The following RELN variants were observed in gnomAD, a reference collection of about 807,000 sequenced individuals.
RELN encodes the protein reelin.
Under a neutral mutation model 427.6 loss-of-function variants are expected in RELN, and 108 were observed. The ratio of observed to expected loss-of-function variants is 0.25; its 90% confidence interval spans 0.22 to 0.30. The LOEUF (loss-of-function observed/expected upper bound fraction) is 0.30, where lower values mean the gene tolerates loss of function less well. Among genes scored for constraint, RELN ranks in the 10% least tolerant of loss-of-function variants. The probability of loss-of-function intolerance (pLI) is 1.00; values close to 1 mark genes in which losing one functional copy is unlikely to be tolerated. For missense variants in RELN, 3,715 were observed against 4,302.8 expected, an observed-to-expected ratio of 0.86 and a Z score of 3.82; for synonymous variants, 1,524 against 1,513.4, an observed-to-expected ratio of 1.01 and a Z score of -0.16.
chr7:103,638,626 T>C (rs1301963378), intron 17 of RELN, among the ~76,000 whole-genome samples: 6 of 152,210 alleles, frequency 3.9e-5, no homozygotes, highest in Admixed American at 1.3e-4. Flanking sequence ...GTCAAACTTT[T>C]AGCCCAGCCG....
At chr7:103,635,699 A>G in intron 18 of RELN, 113 bp from the exon 19 acceptor site, 1 of 821,098 alleles carries the variant, frequency 1.2e-6, no homozygotes, top group Non-Finnish European at 2.0e-6. Context: ...CTTTTACAAA[A>G]TGTTAAGTAA....
At chr7:103,658,199 T>C (rs1833063636) in intron 12 of RELN, among the ~76,000 whole-genome samples, 1 of 152,030 alleles carries the variant, frequency 6.6e-6, no homozygotes, top group African/African-American at 2.4e-5. Flanking sequence ...ATAAAGAAAA[T>C]AGACGTTGAA....
intron 8 of RELN, among the ~76,000 whole-genome samples, chr7:103,702,917 G>T (rs1464480657): frequency 6.6e-6 from 1 of 152,196 alleles, no homozygotes; most frequent in African/African-American, 2.4e-5. Context: ...GGAAAAAGCT[G>T]CACTTCCATC....
chr7:103,540,400 T>C lies in RELN; in HGVS notation c.6727A>G (p.Ser2243Gly), dbSNP rs767650784. Residue 2243 changes from serine (S) to glycine (G), a missense_variant, in exon 44 of 65, where the codon AGT becomes GGT. Coordinates refer to ENST00000428762, the MANE Select transcript of RELN (RefSeq NM_005045.4). ...GAATACTGTAGGAGCACGGGTTGAC[T>C]CCTGGGGTCAGGAACGCCTTTACCA... ...GCGKGVPDPRSQPVLLQYSLN... is the reference protein window; with the variant it reads ...GCGKGVPDPRGQPVLLQYSLN... 7.4e-6 allele frequency: 12 copies of C among 1,614,014 alleles called. No homozygotes were observed. The highest frequency in any genetic ancestry group is 8.5e-6 in the Non-Finnish European group (10 of 1,180,006).
intron 6 of RELN, among the ~76,000 whole-genome samples, chr7:103,747,443 G>A (rs11979177): frequency 0.045 from 6,866 of 151,610 alleles, 227 homozygotes; most frequent in Non-Finnish European, 0.068. Context: ...TAAAAAGAAC[G>A]GTATTTGCCT....
intron 1 of RELN, among the ~76,000 whole-genome samples, chr7:103,927,059 A>G (rs13438060): frequency 0.42 from 63,945 of 152,152 alleles, 13,438 homozygotes; most frequent in South Asian, 0.52. Flanking sequence ...ATTCATTTAA[A>G]TATATGCTGA....
chr7:103,982,430 G>C (rs1797010343), intron 1 of RELN, among the ~76,000 whole-genome samples: 1 of 152,082 alleles, frequency 6.6e-6, no homozygotes, highest in South Asian at 2.1e-4. Flanking sequence ...TAAATGTACT[G>C]ATTTGTTTTC....
intron 17 of RELN, among the ~76,000 whole-genome samples, chr7:103,636,897 G>A (rs186177445): frequency 4.1e-4 from 63 of 152,138 alleles, no homozygotes; most frequent in South Asian, 1.0e-3. Context: ...TGTTATGTTC[G>A]TGATAGGAAT....
At chr7:103,840,634 A>G (rs549348130) in intron 2 of RELN, among the ~76,000 whole-genome samples, 36 of 152,356 alleles carry the variant, frequency 2.4e-4, no homozygotes, top group African/African-American at 8.2e-4. Flanking sequence ...GAGAGAACTC[A>G]GAATCAGCTT....
At chr7:103,888,363 G>C (rs1794771077) in intron 2 of RELN, among the ~76,000 whole-genome samples, 2 of 151,974 alleles carry the variant, frequency 1.3e-5, no homozygotes, top group South Asian at 4.2e-4. Context: ...ACCTTACCAG[G>C]CAACTTTATT....
chr7:103,935,138 A>G (rs12705168), intron 1 of RELN, among the ~76,000 whole-genome samples: 70,151 of 152,036 alleles, frequency 0.46, 16,818 homozygotes, highest in East Asian at 0.73. Context: ...AGTACATTCC[A>G]GTTTCTGGAA....
chr7:103,557,160 C>T lies in RELN; in HGVS notation c.5615-1G>A. ...ATAGAGTGAGATCTCTCTGGGGTAC[C>T]TAGGAAGAAGATAACACAGGTATAA... On this transcript the variant is annotated splice_acceptor_variant, in intron 37 of 64. Transcript: ENST00000428762. LOFTEE classifies it high-confidence loss of function. 6.2e-7 allele frequency: 1 copy of T among 1,610,308 alleles called. No individual in the cohort carries two copies. Among genetic ancestry groups the T allele is most frequent in the Non-Finnish European group, 8.5e-7 (1 of 1,176,744 alleles).
intron 2 of RELN, among the ~76,000 whole-genome samples, chr7:103,907,892 C>T (rs1795252582): frequency 6.6e-6 from 1 of 151,732 alleles, no homozygotes; most frequent in East Asian, 1.9e-4. Context: ...CGCATCAACC[C>T]GTCATTTAGG....
intron 19 of RELN, among the ~76,000 whole-genome samples, chr7:103,631,754 C>T (rs545847381): frequency 3.3e-5 from 5 of 151,984 alleles, no homozygotes; most frequent in African/African-American, 1.2e-4. Flanking sequence ...TTTTTCAAAT[C>T]TGTTTATTAA....
chr7:103,662,710 G>A (rs755217686), intron 11 of RELN, among the ~76,000 whole-genome samples: 3 of 152,060 alleles, frequency 2.0e-5, no homozygotes, highest in Non-Finnish European at 4.4e-5. Context: ...TGTGTTAGGG[G>A]AGAGTAAAAA....
At chr7:103,859,930 A>G (rs1794033832) in intron 2 of RELN, among the ~76,000 whole-genome samples, 1 of 152,202 alleles carries the variant, frequency 6.6e-6, no homozygotes, top group Non-Finnish European at 1.5e-5. Flanking sequence ...TTAAAAAAAC[A>G]TGTTCACAAT....
intron 8 of RELN, among the ~76,000 whole-genome samples, chr7:103,713,310 A>T (rs545484223): frequency 1.3e-5 from 2 of 152,310 alleles, no homozygotes; most frequent in South Asian, 4.1e-4. Context: ...GAAAGATCAT[A>T]AAGTTATAGA....
chr7:103,682,545 C>T (rs1042241066), intron 10 of RELN, among the ~76,000 whole-genome samples: 1 of 152,250 alleles, frequency 6.6e-6, no homozygotes, highest in South Asian at 2.1e-4. Context: ...GAATAATTTC[C>T]CATCTTTACC....
intron 8 of RELN, among the ~76,000 whole-genome samples, chr7:103,717,469 C>T (rs1348418774): frequency 6.9e-6 from 1 of 145,364 alleles, no homozygotes; most frequent in Non-Finnish European, 1.5e-5. Flanking sequence ...AGAGGTATTC[C>T]ATATATAAAA....
Sources: allele counts gnomAD v4.1 joint callset (sites outside exome capture counted in the v4.1 genomes callset), GRCh38; gene constraint gnomAD v4.1.1; transcripts MANE v1.5; gene names NCBI Gene and HGNC (gene_info 2026-07-23, HGNC 2026-07-21).